ADI1: variants seen among roughly 807,000 people sequenced by gnomAD.
ADI1 encodes acireductone dioxygenase.
A neutral mutation model predicts 18.7 loss-of-function variants in ADI1; 21 were observed. The ratio of observed to expected loss-of-function variants is 1.13; its 90% CI spans 0.80 to 1.62. ADI1 has a LOEUF of 1.62. Ranked by LOEUF, ADI1 falls within the 40% of genes most tolerant of loss-of-function variation. The probability of loss-of-function intolerance (pLI) is 0.00; values close to 1 mark genes in which losing one functional copy is unlikely to be tolerated. For missense variants in ADI1, 245 were observed against 254.9 expected (o/e 0.96, Z 0.26); for synonymous variants, 90 against 100.1 (o/e 0.90, Z 0.60).
intron 2 of ADI1, among the ~76,000 whole-genome samples, chr2:3,504,660 C>T (rs1483967676): frequency 1.3e-5 from 2 of 152,214 alleles, no homozygotes; most frequent in African/African-American, 2.4e-5. Flanking sequence ...CTGGTATTGT[C>T]GGTTCACCTG....
intron 2 of ADI1, among the ~76,000 whole-genome samples, chr2:3,511,017 C>T (rs1260494758): frequency 1.3e-5 from 2 of 152,204 alleles, no homozygotes; most frequent in African/African-American, 2.4e-5. Flanking sequence ...CATGTTAAAT[C>T]GTAATTCTCA....
Position 3,500,899 on chromosome 2 carries a change from T to C in ADI1, c.335A>G (p.Asp112Gly), listed in dbSNP as rs199775012. 2.8e-4 allele frequency: 447 copies of C among 1,614,174 alleles called. 7 individuals carry two copies. In the South Asian group the frequency reaches 4.7e-3, roughly 17 times the overall value. The stretch of plus-strand genomic sequence containing the variant: ...CTCCATGAAGATCCGGATCCACTGG[T>C]CCTCCTTGTCCCTCACATCGAAGTA... ...SGYFDVRDKE[D>G]QWIRIFMEKG... Residue 112 changes from aspartate to glycine, a missense_variant, in exon 3 of 4, where the codon GAC becomes GGC. Coordinates refer to ENST00000327435, the MANE Select transcript of ADI1 (RefSeq NM_018269.4).
At position 3,519,421 on chromosome 2, in the gene ADI1, C is replaced by T; in HGVS notation, c.67G>A (p.Gly23Ser). ...AGCTGCTCCAGGCCCACTGGGCGGC[C>T]GGGGTCGGGGCGGTGGGGTTGCCGC... ...DPRQPHRPDPGRPVGLEQLRR... is the reference protein window; with the variant it reads ...DPRQPHRPDPSRPVGLEQLRR... Residue 23 changes from glycine to serine, a missense_variant, in exon 1 of 4, where the codon GGC becomes AGC. Transcript: ENST00000327435. 7.2e-7 allele frequency: 1 copy of T among 1,380,312 alleles called. No individual in the cohort carries two copies. Among genetic ancestry groups the T allele is most frequent in the Non-Finnish European group, 9.3e-7 (1 of 1,074,240 alleles). 85.5% of individuals were successfully genotyped at this position (1,380,312 alleles called of 1,614,324 possible). A position where few individuals can be genotyped will look rare whatever the true frequency, so the allele number is the denominator to read the frequency against.
At chr2:3,505,593 G>A (rs1355736745) in intron 2 of ADI1, among the ~76,000 whole-genome samples, 1 of 152,196 alleles carries the variant, frequency 6.6e-6, no homozygotes, top group African/African-American at 2.4e-5. Flanking sequence ...TTCTTATGAA[G>A]GCCTCAACTC....
At chr2:3,501,961 T>G (rs13392776) in intron 2 of ADI1, among the ~76,000 whole-genome samples, 73,626 of 151,440 alleles carry the variant, frequency 0.49, 21,003 homozygotes, top group African/African-American at 0.81. Context: ...CCTTATAATC[T>G]GATTCTGCCT....
chr2:3,512,767 A>C (rs764146417), intron 2 of ADI1, among the ~76,000 whole-genome samples: 25 of 152,190 alleles, frequency 1.6e-4, no homozygotes, highest in Admixed American at 1.1e-3. Context: ...CCCCCTCACA[A>C]AGTCCCCACT....
intron 2 of ADI1, among the ~76,000 whole-genome samples, chr2:3,512,035 T>C (rs1297230966): frequency 6.6e-6 from 1 of 152,244 alleles, no homozygotes; most frequent in African/African-American, 2.4e-5. Context: ...TCTAACAGCC[T>C]ATGCGCAGAT....
intron 2 of ADI1, among the ~76,000 whole-genome samples, chr2:3,513,088 G>C (rs931053468): frequency 6.6e-6 from 1 of 152,166 alleles, no homozygotes. Context: ...CCTTTCTTTT[G>C]ACCAATTTCC....
chr2:3,508,841 C>T (rs1006086919), intron 2 of ADI1, among the ~76,000 whole-genome samples: 3 of 151,714 alleles, frequency 2.0e-5, no homozygotes, highest in Non-Finnish European at 2.9e-5. Context: ...GAGGTTGAGG[C>T]TGCAGTGAGC....
At chr2:3,504,010 T>TA (rs1667113032) in intron 2 of ADI1, among the ~76,000 whole-genome samples, 1 of 152,148 alleles carries the variant, frequency 6.6e-6, no homozygotes, top group South Asian at 2.1e-4. Context: ...CATCACGACT[T>TA]ACGAAAAACG....
chr2:3,515,954 C>T (rs1002643065), intron 1 of ADI1: 167 of 985,314 alleles, frequency 1.7e-4, no homozygotes, highest in Admixed American at 2.5e-4. Context: ...ACAAAGTTGA[C>T]TCTAAAACTT....
chr2:3,500,013 C>A (rs183348867), intron 3 of ADI1, among the ~76,000 whole-genome samples: 1 of 150,090 alleles, frequency 6.7e-6, no homozygotes, highest in East Asian at 2.0e-4. Flanking sequence ...TGCATTGAGC[C>A]GAGATCAAGC....
chr2:3,515,999 T>G, intron 1 of ADI1: 1 of 985,318 alleles, frequency 1.0e-6, no homozygotes. Flanking sequence ...CAGTACTATT[T>G]GCTATGGTCT....
chr2:3,511,385 T>C, intron 2 of ADI1, among the ~76,000 whole-genome samples: 1 of 151,542 alleles, frequency 6.6e-6, no homozygotes, highest in East Asian at 1.9e-4. Flanking sequence ...TGAGATCTGG[T>C]CATTTAAAAC....
intron 1 of ADI1, chr2:3,515,945 C>A: frequency 1.0e-6 from 1 of 985,452 alleles, no homozygotes; most frequent in Non-Finnish European, 1.2e-6. Flanking sequence ...TTATTTTCTA[C>A]AAAGTTGACT....
chr2:3,513,763 T>C (rs1667340485), intron 2 of ADI1, 94 bp downstream of exon 2: 8 of 1,365,696 alleles, frequency 5.9e-6, no homozygotes, highest in Admixed American at 2.5e-5. Context: ...AATGGCCTCA[T>C]ACAGACATTA....
chr2:3,509,475 T>C (rs538640343), intron 2 of ADI1, among the ~76,000 whole-genome samples: 129 of 152,176 alleles, frequency 8.5e-4, no homozygotes, highest in Non-Finnish European at 1.6e-3. Context: ...ATACAAAGTT[T>C]ATTCTCTGAC....
chr2:3,505,160 T>G (rs1400071980), intron 2 of ADI1, among the ~76,000 whole-genome samples: 1 of 152,270 alleles, frequency 6.6e-6, no homozygotes, highest in East Asian at 1.9e-4. Context: ...CTGCATATGT[T>G]TTCTAAAGAG....
intron 2 of ADI1, among the ~76,000 whole-genome samples, chr2:3,504,243 A>G (rs532630193): frequency 2.0e-5 from 3 of 152,290 alleles, no homozygotes; most frequent in South Asian, 4.1e-4. Flanking sequence ...ACGACCTAAC[A>G]CTGAGGAAAC....
Sources: allele counts gnomAD v4.1 joint callset (sites outside exome capture counted in the v4.1 genomes callset), GRCh38; gene constraint gnomAD v4.1.1; transcripts MANE v1.5; gene names NCBI Gene and HGNC (gene_info 2026-07-23, HGNC 2026-07-21).